RABGAP1L: variants seen among roughly 807,000 people sequenced by gnomAD.
RABGAP1L encodes the protein rab GTPase-activating protein 1-like.
RABGAP1L carries 63 observed loss-of-function variants against 137.7 expected under a neutral mutation model. That is an observed-to-expected ratio of 0.46 (90% confidence interval 0.37 to 0.56). RABGAP1L has a LOEUF of 0.56. Among genes scored for constraint, RABGAP1L ranks in the 20% least tolerant of loss-of-function variants. RABGAP1L has a pLI of 0.00. For missense variants in RABGAP1L, 1,095 were observed against 1,244.0 expected, an observed-to-expected ratio of 0.88 and a Z score of 1.80; for synonymous variants, 431 against 433.7, an observed-to-expected ratio of 0.99 and a Z score of 0.08.
At chr1:174,334,392 T>C (rs1280421954) in intron 11 of RABGAP1L, among the ~76,000 whole-genome samples, 1 of 152,224 alleles carries the variant, frequency 6.6e-6, no homozygotes, top group Non-Finnish European at 1.5e-5. Context: ...ACCAGCCATA[T>C]TCATCCTTTT....
intron 19 of RABGAP1L, among the ~76,000 whole-genome samples, chr1:174,820,166 T>C (rs1573355383): frequency 6.6e-6 from 1 of 152,120 alleles, no homozygotes; most frequent in Non-Finnish European, 1.5e-5. Context: ...TTTAGAAACA[T>C]TTAGTAGTCC....
chr1:174,600,023 A>C (rs1045262921), intron 13 of RABGAP1L, among the ~76,000 whole-genome samples: 5 of 152,154 alleles, frequency 3.3e-5, no homozygotes, highest in African/African-American at 1.2e-4. Flanking sequence ...AAGAGGTTTA[A>C]TTGGACTTAC....
intron 13 of RABGAP1L, among the ~76,000 whole-genome samples, chr1:174,575,785 A>G (rs555911720): frequency 1.3e-5 from 2 of 152,298 alleles, no homozygotes; most frequent in African/African-American, 4.8e-5. Context: ...CGGCAGGTCG[A>G]TAAATAATAG....
chr1:174,850,048 G>T (rs1263850814), intron 19 of RABGAP1L: 5 of 566,794 alleles, frequency 8.8e-6, no homozygotes, highest in Non-Finnish European at 1.7e-5. Context: ...ATCTGCTCTT[G>T]CAGGAGGCTG....
chr1:174,775,319 T>TC (rs1041435049), intron 18 of RABGAP1L, among the ~76,000 whole-genome samples: 1 of 151,788 alleles, frequency 6.6e-6, no homozygotes, highest in African/African-American at 2.4e-5. Context: ...GAAAACTTTT[T>TC]TTTTTTTTTT....
chr1:174,562,595 G>A (rs1010644567), intron 13 of RABGAP1L, among the ~76,000 whole-genome samples: 1 of 152,158 alleles, frequency 6.6e-6, no homozygotes, highest in Non-Finnish European at 1.5e-5. Flanking sequence ...GCAAAGACTT[G>A]GAACCAACCC....
intron 9 of RABGAP1L, 97 bp from the exon 10 acceptor site, chr1:174,278,516 G>A (rs1675208382): frequency 2.1e-6 from 2 of 939,800 alleles, no homozygotes; most frequent in Non-Finnish European, 3.3e-6. Context: ...TATTACAATT[G>A]TAAAGAACTT....
At chr1:174,786,207 T>C (rs1249322087) in intron 18 of RABGAP1L, among the ~76,000 whole-genome samples, 4 of 152,236 alleles carry the variant, frequency 2.6e-5, no homozygotes, top group Admixed American at 6.5e-5. Flanking sequence ...ATCTGCCCTT[T>C]TGAGCAAATA....
intron 19 of RABGAP1L, among the ~76,000 whole-genome samples, chr1:174,946,933 T>A: frequency 1.4e-5 from 1 of 71,754 alleles, no homozygotes; most frequent in African/African-American, 6.1e-5. Flanking sequence ...TATATATATA[T>A]ATATATATGT....
intron 13 of RABGAP1L, among the ~76,000 whole-genome samples, chr1:174,415,441 A>G (rs1270423817): frequency 4.0e-5 from 6 of 151,302 alleles, no homozygotes; most frequent in Non-Finnish European, 7.4e-5. Flanking sequence ...TTTTTTTTCC[A>G]TAGGAGAGAG....
chr1:174,282,099 G>T (rs1675620664), intron 10 of RABGAP1L, among the ~76,000 whole-genome samples: 1 of 152,076 alleles, frequency 6.6e-6, no homozygotes, highest in Non-Finnish European at 1.5e-5. Context: ...TCCATTTTTG[G>T]TTCATGTGGT....
chr1:174,287,374 A>G (rs1283120871), intron 10 of RABGAP1L, among the ~76,000 whole-genome samples: 1 of 152,220 alleles, frequency 6.6e-6, no homozygotes, highest in African/African-American at 2.4e-5. Flanking sequence ...TAACATTTGC[A>G]TGGAATATCT....
intron 18 of RABGAP1L, among the ~76,000 whole-genome samples, chr1:174,781,259 A>G (rs1189946772): frequency 6.6e-6 from 1 of 152,186 alleles, no homozygotes; most frequent in Non-Finnish European, 1.5e-5. Flanking sequence ...AATGATCGCC[A>G]TTCTAACTGG....
intron 14 of RABGAP1L, among the ~76,000 whole-genome samples, chr1:174,674,061 G>GTTTTTTTTTT (rs202020221): frequency 7.1e-6 from 1 of 140,558 alleles, no homozygotes; most frequent in Non-Finnish European, 1.6e-5. Flanking sequence ...AGTGTTCAGA[G>GTTTTTTTTTT]TTTTTTTTTT....
chr1:174,982,264 C>T (rs949941455), intron 23 of RABGAP1L, among the ~76,000 whole-genome samples: 11 of 152,122 alleles, frequency 7.2e-5, no homozygotes, highest in African/African-American at 2.7e-4. Context: ...GGTATTTCTC[C>T]TAATGTTATG....
chr1:174,555,226 G>A (rs1240897925), intron 13 of RABGAP1L, among the ~76,000 whole-genome samples: 1 of 152,138 alleles, frequency 6.6e-6, no homozygotes, highest in Non-Finnish European at 1.5e-5. Flanking sequence ...TTACATGTAT[G>A]CCAAGGTACA....
At chr1:174,596,919 A>G (rs1289881047) in intron 13 of RABGAP1L, among the ~76,000 whole-genome samples, 1 of 152,098 alleles carries the variant, frequency 6.6e-6, no homozygotes, top group Admixed American at 6.5e-5. Flanking sequence ...TTTAAATTTA[A>G]TCATGAAGAG....
chr1:174,716,337 A>G lies in RABGAP1L; in HGVS notation c.2169+14081A>G, dbSNP rs1681006404. Reference sequence around the variant, plus strand: ...TAGAGTGCAGTGGCTATTCACAGACATTATCATCATAGTGGCGCACTACAG... The same window carrying G: ...TAGAGTGCAGTGGCTATTCACAGACGTTATCATCATAGTGGCGCACTACAG... On this transcript the variant is annotated intron_variant, in intron 17 of 25. Coordinates refer to ENST00000681986, the MANE Select transcript of RABGAP1L (RefSeq NM_001366446.1). 2.0e-5 allele frequency among the ~76,000 whole-genome samples: 3 copies of G among 152,170 alleles called. No homozygotes were observed. The South Asian group carries it at 6.2e-4, about 32-fold the overall frequency.
At chr1:174,876,778 C>G (rs1370068659) in intron 19 of RABGAP1L, among the ~76,000 whole-genome samples, 2 of 152,034 alleles carry the variant, frequency 1.3e-5, no homozygotes, top group East Asian at 3.8e-4. Flanking sequence ...GCTTAAAATA[C>G]TTATTTTTTT....
Sources: allele counts gnomAD v4.1 joint callset (sites outside exome capture counted in the v4.1 genomes callset), GRCh38; gene constraint gnomAD v4.1.1; transcripts MANE v1.5; gene names NCBI Gene and HGNC (gene_info 2026-07-23, HGNC 2026-07-21).